DLGAP2: variants seen among roughly 807,000 people sequenced by gnomAD.
DLGAP2 encodes the protein disks large-associated protein 2.
In DLGAP2, 26 loss-of-function variants were observed where a neutral mutation model predicts 100.3. The observed-to-expected ratio is 0.26, with a 90% CI of 0.19 to 0.36. The LOEUF (loss-of-function observed/expected upper bound fraction) is 0.36, where lower values mean the gene tolerates loss of function less well. Among genes scored for constraint, DLGAP2 ranks in the 10% least tolerant of loss-of-function variants. The pLI, the probability that DLGAP2 is intolerant of heterozygous loss-of-function variation, is 1.00. For missense variants in DLGAP2, 1,858 were observed against 1,453.2 expected (o/e 1.28, Z -4.53); for synonymous variants, 886 against 630.1 (o/e 1.41, Z -6.08).
intron 4 of DLGAP2, among the ~76,000 whole-genome samples, chr8:1,539,296 C>T (rs186387498): frequency 1.1e-4 from 17 of 152,332 alleles, no homozygotes; most frequent in East Asian, 3.9e-4. Context: ...TGCTGTTGGC[C>T]GGATGCCTTC....
intron 1 of DLGAP2, among the ~76,000 whole-genome samples, chr8:892,086 C>G (rs557272085): frequency 6.5e-4 from 99 of 152,292 alleles, no homozygotes; most frequent in African/African-American, 2.3e-3. Context: ...GGAATTGGGT[C>G]CTGGGTGTTG....
chr8:1,516,021 A>ATGAGTGAGTGAATGAG (rs1563196269), intron 4 of DLGAP2, among the ~76,000 whole-genome samples: 1 of 150,576 alleles, frequency 6.6e-6, no homozygotes, highest in Non-Finnish European at 1.5e-5. Flanking sequence ...GAGTGCATGA[A>ATGAGTGAGTGAATGAG]TGAGTGAGTG....
chr8:1,350,922 GT>G (rs1801706522), intron 3 of DLGAP2, among the ~76,000 whole-genome samples: 1 of 138,672 alleles, frequency 7.2e-6, no homozygotes, highest in Non-Finnish European at 1.5e-5. Flanking sequence ...TCCTGACTGT[GT>G]GTGGAAAGGC....
chr8:1,357,674 A>G (rs143735242), intron 3 of DLGAP2, among the ~76,000 whole-genome samples: 2 of 152,300 alleles, frequency 1.3e-5, no homozygotes, highest in Admixed American at 6.5e-5. Context: ...TCTCTGACGG[A>G]TTTTAAGTCT....
At chr8:1,309,147 C>T (rs557601211) in intron 3 of DLGAP2, among the ~76,000 whole-genome samples, 1 of 151,614 alleles carries the variant, frequency 6.6e-6, no homozygotes, top group South Asian at 2.1e-4. Flanking sequence ...ACAAGAGTCT[C>T]CGAAAAGGGA....
At chr8:1,495,303 G>A (rs772136640) in intron 3 of DLGAP2, among the ~76,000 whole-genome samples, 3 of 152,148 alleles carry the variant, frequency 2.0e-5, no homozygotes, top group Admixed American at 2.0e-4. Flanking sequence ...TCAGATGCCC[G>A]GCAGCTGTGG....
At chr8:1,572,402 A>AG in intron 6 of DLGAP2, among the ~76,000 whole-genome samples, 1 of 50,296 alleles carries the variant, frequency 2.0e-5, no homozygotes, top group Non-Finnish European at 3.8e-5. Context: ...GAGAGGAGAG[A>AG]GGGGTGAACT....
intron 2 of DLGAP2, among the ~76,000 whole-genome samples, chr8:1,236,059 C>CAT (rs1798645103): frequency 1.4e-5 from 1 of 72,872 alleles, no homozygotes; most frequent in Non-Finnish European, 2.5e-5. Context: ...CACATGGCAC[C>CAT]GTGTCTAGTT....
chr8:1,270,977 A>C (rs538644963), intron 3 of DLGAP2, among the ~76,000 whole-genome samples: 3 of 152,134 alleles, frequency 2.0e-5, no homozygotes, highest in Non-Finnish European at 4.4e-5. Flanking sequence ...GTGTTGCAAA[A>C]AGGTAGATGG....
chr8:880,150 C>T (rs1282638353), intron 1 of DLGAP2, among the ~76,000 whole-genome samples: 2 of 152,094 alleles, frequency 1.3e-5, no homozygotes, highest in East Asian at 3.9e-4. Flanking sequence ...TTTGTGTTCA[C>T]CTGTGTTCTT....
At chr8:1,183,634 C>A (rs946433179) in intron 2 of DLGAP2, among the ~76,000 whole-genome samples, 2 of 152,202 alleles carry the variant, frequency 1.3e-5, no homozygotes, top group Non-Finnish European at 2.9e-5. Context: ...CCGCTCCTGG[C>A]TTGAGTAAGT....
intron 5 of DLGAP2, among the ~76,000 whole-genome samples, chr8:1,563,472 C>G (rs1297388418): frequency 9.6e-6 from 1 of 104,622 alleles, no homozygotes; most frequent in African/African-American, 3.9e-5. Context: ...TTGGGGTGTC[C>G]GCGCCTCGTT....
intron 3 of DLGAP2, among the ~76,000 whole-genome samples, chr8:1,307,886 A>G (rs6989565): frequency 0.048 from 7,345 of 152,198 alleles, 545 homozygotes; most frequent in African/African-American, 0.16. Context: ...AGAACTAGGT[A>G]GTTAGAAATG....
intron 5 of DLGAP2, among the ~76,000 whole-genome samples, chr8:1,551,350 G>A (rs978862634): frequency 1.3e-5 from 2 of 152,144 alleles, no homozygotes; most frequent in African/African-American, 4.8e-5. Context: ...GTCTGTGCCT[G>A]GTGTGGATAG....
chr8:855,329 G>C (rs1020008814), intron 1 of DLGAP2, among the ~76,000 whole-genome samples: 1 of 151,802 alleles, frequency 6.6e-6, no homozygotes, highest in Non-Finnish European at 1.5e-5. Context: ...CTCCCAGCGG[G>C]TGTGTACGGT....
chr8:1,590,976 C>G (rs895200170), intron 6 of DLGAP2, among the ~76,000 whole-genome samples: 1 of 152,196 alleles, frequency 6.6e-6, no homozygotes, highest in Non-Finnish European at 1.5e-5. Flanking sequence ...AACATATGTG[C>G]TTCTAGTCTT....
intron 8 of DLGAP2, among the ~76,000 whole-genome samples, chr8:1,659,091 G>A (rs1246480592): frequency 2.0e-5 from 3 of 152,206 alleles, no homozygotes; most frequent in East Asian, 1.9e-4. Context: ...CCTTAATTTC[G>A]TTATTTACCC....
chr8:1,649,449 A>G (rs1440868910), intron 8 of DLGAP2, among the ~76,000 whole-genome samples: 4 of 152,240 alleles, frequency 2.6e-5, no homozygotes, highest in Non-Finnish European at 4.4e-5. Flanking sequence ...TGTTCCCAAA[A>G]TTAAAGCAAG....
intron 2 of DLGAP2, among the ~76,000 whole-genome samples, chr8:915,098 C>A (rs546533013): frequency 6.6e-6 from 1 of 152,190 alleles, no homozygotes; most frequent in Non-Finnish European, 1.5e-5. Context: ...AAGGATGGTT[C>A]GGGCAAAGCC....
Sources: gnomAD v4.1 joint callset for allele counts (sites outside exome capture counted in the v4.1 genomes callset) on GRCh38, gnomAD v4.1.1 for gene constraint, MANE v1.5 for transcripts, NCBI Gene and HGNC (gene_info 2026-07-23, HGNC 2026-07-21) for gene names.